The following NEDD8 variants were observed in gnomAD, a reference collection of about 807,000 sequenced individuals.
NEDD8 encodes ubiquitin-like protein NEDD8.
A neutral mutation model predicts 13.8 loss-of-function variants in NEDD8; 1 was observed. That is an observed-to-expected ratio of 0.07 (90% CI 0.03 to 0.34). NEDD8 has a LOEUF of 0.34. Among genes scored for constraint, NEDD8 ranks in the 10% least tolerant of loss-of-function variants. The pLI is 0.99. For synonymous variants in NEDD8, 31 were observed against 33.2 expected (o/e 0.93, Z 0.23); for missense variants, 10 against 95.2 (o/e 0.10, Z 3.73).
At chr14:24,223,523 C>A (rs557623926) in intron 1 of NEDD8, among the ~76,000 whole-genome samples, 1 of 152,080 alleles carries the variant, frequency 6.6e-6, no homozygotes, top group Non-Finnish European at 1.5e-5. Flanking sequence ...TTGTTCTAAA[C>A]ATACTTAAAA....
Position 24,221,945 on chromosome 14 carries a change from C to T in NEDD8, c.19-3514G>A, listed in dbSNP as rs117531891. ...GACTCTCAGAGAAGACCTAGAGCTGCTCTCCCAAGAGCAAAATGCTTGGAC... is the reference window on the plus strand; with the variant it reads ...GACTCTCAGAGAAGACCTAGAGCTGTTCTCCCAAGAGCAAAATGCTTGGAC... On this transcript the variant is annotated intron_variant, in intron 1 of 3. Coordinates refer to ENST00000250495, the MANE Select transcript of NEDD8 (RefSeq NM_006156.3). 8.3e-3 allele frequency among the ~76,000 whole-genome samples: 1,259 copies of T among 152,272 alleles called. 33 individuals are homozygous for T. In the East Asian group the frequency reaches 0.088, roughly 11 times the overall value.
At chr14:24,225,183 A>AG (rs2039871822) in intron 1 of NEDD8, among the ~76,000 whole-genome samples, 1 of 151,396 alleles carries the variant, frequency 6.6e-6, no homozygotes, top group Non-Finnish European at 1.5e-5. Flanking sequence ...AAAAAAAAAA[A>AG]AAAGAAAAAA....
At chr14:24,218,049 C>A in intron 3 of NEDD8, 84 bp downstream of exon 3, 2 of 1,565,016 alleles carry the variant, frequency 1.3e-6, no homozygotes, top group Non-Finnish European at 1.7e-6. Flanking sequence ...AAGAGGCACC[C>A]CTGATCCACC....
chr14:24,225,366 G>A (rs957006124), intron 1 of NEDD8, among the ~76,000 whole-genome samples: 2 of 152,202 alleles, frequency 1.3e-5, no homozygotes, highest in South Asian at 4.1e-4. Context: ...TAAAAAAAGA[G>A]AGAGAGACAA....
intron 1 of NEDD8, among the ~76,000 whole-genome samples, chr14:24,221,562 G>C (rs993879908): frequency 6.6e-6 from 1 of 152,100 alleles, no homozygotes; most frequent in African/African-American, 2.4e-5. Flanking sequence ...TTATAGGCAT[G>C]AGCCACCGTG....
rs544942371 is a variant in NEDD8, at chr14:24,221,481, T to C, written c.19-3050A>G. On this transcript the variant is annotated intron_variant, in intron 1 of 3. Transcript: ENST00000250495. ...TTTTAGTAGAGATGGGGTTTTGCCA[T>C]GTTGCCCAGGCTGGTCTCGAACTCC... Among the ~76,000 whole-genome samples, 24 of 152,220 alleles carry C rather than the reference T, an allele frequency of 1.6e-4. No individual in the cohort carries two copies. In the South Asian group the frequency reaches 5.0e-3, roughly 32 times the overall value.
chr14:24,223,101 A>AC (rs2039834157), intron 1 of NEDD8, among the ~76,000 whole-genome samples: 1 of 150,626 alleles, frequency 6.6e-6, no homozygotes, highest in African/African-American at 2.5e-5. Context: ...AAAAAAAAAA[A>AC]AAAAAAATAG....
At chr14:24,231,669 G>A (rs1250568118) in intron 1 of NEDD8, 1 of 152,536 alleles carries the variant, frequency 6.6e-6, no homozygotes, top group African/African-American at 2.4e-5. Flanking sequence ...AGCCAAGGAA[G>A]TGAGGCTGGT....
intron 1 of NEDD8, among the ~76,000 whole-genome samples, chr14:24,231,271 C>G (rs1443861676): frequency 6.6e-6 from 1 of 151,718 alleles, no homozygotes; most frequent in East Asian, 1.9e-4. Flanking sequence ...CGCTACTCAA[C>G]GTTAAAAAAA....
chr14:24,230,616 C>CTT (rs751786098), intron 1 of NEDD8, among the ~76,000 whole-genome samples: 2,361 of 136,380 alleles, frequency 0.017, 72 homozygotes, highest in African/African-American at 0.059. Flanking sequence ...CTCTCTCTTT[C>CTT]TTTTTTTTTT....
chr14:24,218,523 T>G (rs2039746632), intron 1 of NEDD8, 92 bp from the exon 2 acceptor site: 8 of 1,573,296 alleles, frequency 5.1e-6, no homozygotes, highest in Non-Finnish European at 7.0e-6. Context: ...TGGGATCTAC[T>G]GCCTTCTAAA....
At chr14:24,232,034 T>C (rs537454867) in intron 1 of NEDD8, 2 of 652,478 alleles carry the variant, frequency 3.1e-6, no homozygotes, top group African/African-American at 3.7e-5. Context: ...AAAGCAGGCA[T>C]GGCAAAATAC....
At chr14:24,217,904 TATTTTA>T in intron 3 of NEDD8, 1 of 453,454 alleles carries the variant, frequency 2.2e-6, no homozygotes, top group Admixed American at 3.8e-5. Context: ...TTTGTTTTAG[TATTTTA>T]ATAACTATTT....
intron 1 of NEDD8, among the ~76,000 whole-genome samples, chr14:24,230,413 T>C (rs1221439537): frequency 6.9e-6 from 1 of 145,604 alleles, no homozygotes; most frequent in Non-Finnish European, 1.5e-5. Context: ...CAGGCGCCTG[T>C]AGTCCCAGCT....
intron 1 of NEDD8, among the ~76,000 whole-genome samples, chr14:24,226,114 C>G (rs1014862411): frequency 6.6e-6 from 1 of 151,194 alleles, no homozygotes. Context: ...GAAATGTGAT[C>G]CAGCCCTGCC....
intron 2 of NEDD8, 68 bp from the exon 3 acceptor site, chr14:24,218,283 G>A (rs944336534): frequency 3.1e-6 from 5 of 1,613,506 alleles, no homozygotes; most frequent in African/African-American, 1.3e-5. Flanking sequence ...AAGAACAAGG[G>A]CTATGCAGAC....
chr14:24,222,862 C>A (rs1284056456), intron 1 of NEDD8, among the ~76,000 whole-genome samples: 1 of 151,782 alleles, frequency 6.6e-6, no homozygotes, highest in Admixed American at 6.6e-5. Context: ...GCCGAGGGGG[C>A]GGATCACGAG....
intron 1 of NEDD8, among the ~76,000 whole-genome samples, chr14:24,224,349 C>A (rs1001975553): frequency 5.3e-5 from 8 of 152,200 alleles, no homozygotes; most frequent in African/African-American, 1.9e-4. Context: ...CAGGCATGAG[C>A]CACCATGCCC....
At chr14:24,224,737 T>C (rs2138895962) in intron 1 of NEDD8, among the ~76,000 whole-genome samples, 1 of 152,296 alleles carries the variant, frequency 6.6e-6, no homozygotes, top group South Asian at 2.1e-4. Flanking sequence ...CAAAACAATC[T>C]GATGGAAGTA....
Sources: allele counts gnomAD v4.1 joint callset (sites outside exome capture counted in the v4.1 genomes callset), GRCh38; gene constraint gnomAD v4.1.1; transcripts MANE v1.5; gene names NCBI Gene and HGNC (gene_info 2026-07-23, HGNC 2026-07-21).